Variants in PTPRK observed in about 807,000 individuals in gnomAD.
The protein encoded by PTPRK is protein tyrosine phosphatase receptor type K, also known as receptor-type tyrosine-protein phosphatase kappa.
In PTPRK, 75 loss-of-function variants were observed where a neutral mutation model predicts 178.0. The ratio of observed to expected loss-of-function variants is 0.42; its 90% CI spans 0.35 to 0.51. The LOEUF (loss-of-function observed/expected upper bound fraction) is 0.51. Among genes scored for constraint, PTPRK ranks in the 20% least tolerant of loss-of-function variants. The pLI is 0.02. For missense variants in PTPRK, 1,441 were observed against 1,797.8 expected (o/e 0.80, Z 3.59); for synonymous variants, 637 against 620.6 (o/e 1.03, Z -0.39).
At chr6:128,174,193 G>C (rs1259529277) in intron 7 of PTPRK, among the ~76,000 whole-genome samples, 1 of 151,918 alleles carries the variant, frequency 6.6e-6, no homozygotes, top group Non-Finnish European at 1.5e-5. Flanking sequence ...TATTTACTAT[G>C]GTCTTCTTAT....
chr6:128,017,783 TATAA>T (rs1350169686), intron 13 of PTPRK, among the ~76,000 whole-genome samples: 9 of 108,516 alleles, frequency 8.3e-5, no homozygotes, highest in East Asian at 7.5e-4. Flanking sequence ...TTTATACATA[TATAA>T]ATAAATATAT....
At chr6:128,282,730 T>C (rs763640806) in intron 3 of PTPRK, among the ~76,000 whole-genome samples, 11 of 152,198 alleles carry the variant, frequency 7.2e-5, no homozygotes, top group Non-Finnish European at 1.3e-4. Flanking sequence ...CTGAATACCC[T>C]ATCCAGCCCT....
chr6:128,352,488 C>T (rs551336676), intron 2 of PTPRK, among the ~76,000 whole-genome samples: 341 of 152,164 alleles, frequency 2.2e-3, no homozygotes, highest in African/African-American at 7.7e-3. Flanking sequence ...AAGTATTTAA[C>T]ATAGATTATG....
At chr6:128,092,428 G>A (rs1787143617) in intron 7 of PTPRK, among the ~76,000 whole-genome samples, 1 of 152,036 alleles carries the variant, frequency 6.6e-6, no homozygotes, top group Non-Finnish European at 1.5e-5. Flanking sequence ...AACTCAGAGG[G>A]AGTTACTGTA....
intron 25 of PTPRK, 47 bp from the exon 26 acceptor site, chr6:127,977,101 A>G (rs1436292831): frequency 1.9e-6 from 3 of 1,584,648 alleles, no homozygotes; most frequent in Admixed American, 3.3e-5. Flanking sequence ...CTTAAAATGT[A>G]TGATCGGTTG....
intron 7 of PTPRK, among the ~76,000 whole-genome samples, chr6:128,161,201 A>T (rs1407058194): frequency 2.0e-5 from 3 of 151,784 alleles, no homozygotes; most frequent in Non-Finnish European, 4.4e-5. Context: ...AGTCAAAAAT[A>T]ACAAACGATA....
chr6:128,510,170 C>A (rs954217793), intron 1 of PTPRK, among the ~76,000 whole-genome samples: 1 of 152,190 alleles, frequency 6.6e-6, no homozygotes, highest in Non-Finnish European at 1.5e-5. Flanking sequence ...TGTCTACACC[C>A]CTATGTGCCA....
chr6:128,440,307 G>GT (rs1302418081), intron 1 of PTPRK, among the ~76,000 whole-genome samples: 1 of 152,130 alleles, frequency 6.6e-6, no homozygotes, highest in East Asian at 1.9e-4. Context: ...TTCATGGTAG[G>GT]TTATGGATGA....
At chr6:128,247,215 C>A (rs1393686677) in intron 3 of PTPRK, among the ~76,000 whole-genome samples, 1 of 152,060 alleles carries the variant, frequency 6.6e-6, no homozygotes, top group African/African-American at 2.4e-5. Flanking sequence ...CAAGATATTA[C>A]AGATACTAGA....
intron 2 of PTPRK, among the ~76,000 whole-genome samples, chr6:128,342,129 GGTA>G (rs1284384046): frequency 1.3e-5 from 2 of 151,798 alleles, no homozygotes; most frequent in Non-Finnish European, 2.9e-5. Flanking sequence ...GGCACATGCT[GGTA>G]ATCCCAGCTA....
intron 1 of PTPRK, among the ~76,000 whole-genome samples, chr6:128,441,190 A>T (rs945737776): frequency 6.6e-6 from 1 of 152,220 alleles, no homozygotes; most frequent in Non-Finnish European, 1.5e-5. Context: ...TTAAAGGTTT[A>T]TATTTCCTTT....
chr6:128,380,406 C>A (rs528906730), intron 2 of PTPRK, among the ~76,000 whole-genome samples: 2 of 152,136 alleles, frequency 1.3e-5, no homozygotes, highest in Admixed American at 6.5e-5. Flanking sequence ...ACGCAACCTT[C>A]CCCAAGGGCT....
chr6:128,416,976 TAATA>T (rs993421561), intron 1 of PTPRK, among the ~76,000 whole-genome samples: 4 of 148,372 alleles, frequency 2.7e-5, no homozygotes, highest in African/African-American at 9.8e-5. Context: ...TATATAGATA[TAATA>T]ATTATAAAAT....
chr6:128,324,055 G>A (rs1244967796), intron 2 of PTPRK, among the ~76,000 whole-genome samples: 2 of 152,030 alleles, frequency 1.3e-5, no homozygotes, highest in African/African-American at 2.4e-5. Context: ...CCACTGCATA[G>A]CAGACCAATC....
intron 7 of PTPRK, among the ~76,000 whole-genome samples, chr6:128,123,251 A>C (rs73586613): frequency 0.093 from 14,171 of 152,056 alleles, 1,147 homozygotes; most frequent in African/African-American, 0.21. Flanking sequence ...GTCCCTAGAA[A>C]CTTCAGAGAG....
At chr6:128,203,156 A>T (rs1472396220) in intron 6 of PTPRK, among the ~76,000 whole-genome samples, 1 of 144,552 alleles carries the variant, frequency 6.9e-6, no homozygotes, top group Non-Finnish European at 1.5e-5. Flanking sequence ...AGACAAAAAA[A>T]CAAAAACAAA....
intron 3 of PTPRK, among the ~76,000 whole-genome samples, chr6:128,276,437 A>G (rs193074923): frequency 6.6e-6 from 1 of 152,274 alleles, no homozygotes; most frequent in East Asian, 1.9e-4. Flanking sequence ...ATTAACCACA[A>G]GAAAATTCCA....
intron 15 of PTPRK, among the ~76,000 whole-genome samples, chr6:128,000,863 A>G (rs1777756502): frequency 6.6e-6 from 1 of 152,032 alleles, no homozygotes; most frequent in African/African-American, 2.4e-5. Flanking sequence ...CTGGAGTAGC[A>G]GAATATTTAC....
chr6:128,411,474 G>T (rs576856449), intron 1 of PTPRK, among the ~76,000 whole-genome samples: 102 of 152,294 alleles, frequency 6.7e-4, no homozygotes, highest in African/African-American at 2.3e-3. Flanking sequence ...CTCCTAAATT[G>T]AGAGCAGTTT....
Sources: allele counts gnomAD v4.1 joint callset (sites outside exome capture counted in the v4.1 genomes callset), GRCh38; gene constraint gnomAD v4.1.1; transcripts MANE v1.5; gene names NCBI Gene and HGNC (gene_info 2026-07-23, HGNC 2026-07-21).